The following PTPRR variants were observed in gnomAD, a reference collection of about 807,000 sequenced individuals.
The protein encoded by PTPRR is receptor-type tyrosine-protein phosphatase R.
In PTPRR, 38 loss-of-function variants were observed where a neutral mutation model predicts 77.2. The ratio of observed to expected loss-of-function variants is 0.49; its 90% CI spans 0.38 to 0.65. The LOEUF (loss-of-function observed/expected upper bound fraction) is 0.65. Ranked by LOEUF, PTPRR falls within the 30% of genes least tolerant of loss-of-function variation. PTPRR has a pLI of 0.00. For missense variants in PTPRR, 744 were observed against 799.2 expected, an observed-to-expected ratio of 0.93 and a Z score of 0.83; for synonymous variants, 299 against 283.1, an observed-to-expected ratio of 1.06 and a Z score of -0.57.
intron 6 of PTPRR, among the ~76,000 whole-genome samples, chr12:70,711,356 T>G (rs776796523): frequency 4.6e-5 from 7 of 151,886 alleles, no homozygotes; most frequent in Non-Finnish European, 8.8e-5. Context: ...CACATGGATA[T>G]GTAGAGGGGA....
chr12:70,732,562 T>G (rs1451609518), intron 6 of PTPRR, among the ~76,000 whole-genome samples: 2 of 152,146 alleles, frequency 1.3e-5, no homozygotes, highest in South Asian at 2.1e-4. Context: ...CCATTTTTTT[T>G]TTGTTTGTTT....
chr12:70,643,289 A>T (rs1886074938), intron 13 of PTPRR, among the ~76,000 whole-genome samples: 2 of 152,042 alleles, frequency 1.3e-5, no homozygotes, highest in Non-Finnish European at 2.9e-5. Flanking sequence ...GCATGCCACC[A>T]TACTGAGCTA....
chr12:70,862,687 A>T lies in PTPRR; in HGVS notation c.357+29992T>A, dbSNP rs189642831. Among the ~76,000 whole-genome samples the T allele has an allele frequency of 1.3e-5, 2 of 151,950 alleles. 1 individual carries two copies. Among genetic ancestry groups the T allele is most frequent in the Admixed American group, 1.3e-4 (2 of 15,262 alleles). On this transcript the variant is annotated intron_variant, in intron 2 of 13. Coordinates refer to ENST00000283228, the MANE Select transcript of PTPRR (RefSeq NM_002849.4). ...GCACACCAGCATGGCACATGTATAC[A>T]TATGTAACTAACCTGCACATTGTGC...
intron 2 of PTPRR, among the ~76,000 whole-genome samples, chr12:70,872,194 AC>A (rs1892969519): frequency 6.6e-6 from 1 of 152,180 alleles, no homozygotes; most frequent in South Asian, 2.1e-4. Context: ...TTTAGATATA[AC>A]TTTTATTTCA....
chr12:70,906,402 G>C (rs751896244), intron 1 of PTPRR, among the ~76,000 whole-genome samples: 2 of 151,928 alleles, frequency 1.3e-5, no homozygotes, highest in Non-Finnish European at 2.9e-5. Context: ...CAGAAGCAGG[G>C]ATTTCCAGAA....
At chr12:70,872,876 C>T (rs1292723611) in intron 2 of PTPRR, among the ~76,000 whole-genome samples, 1 of 151,958 alleles carries the variant, frequency 6.6e-6, no homozygotes, top group Non-Finnish European at 1.5e-5. Flanking sequence ...TCTGATGTTC[C>T]TACTAGAAGA....
At chr12:70,700,466 C>T (rs1156782727) in intron 7 of PTPRR, among the ~76,000 whole-genome samples, 1 of 152,174 alleles carries the variant, frequency 6.6e-6, no homozygotes, top group African/African-American at 2.4e-5. Context: ...TTCCTTATTT[C>T]GTTAAAGGGC....
chr12:70,774,695 TACAA>T (rs1341629487), intron 2 of PTPRR, among the ~76,000 whole-genome samples: 1 of 152,152 alleles, frequency 6.6e-6, no homozygotes, highest in Non-Finnish European at 1.5e-5. Flanking sequence ...TAAAATATAG[TACAA>T]ACAGATATCT....
At chr12:70,791,148 C>A (rs1346044694) in intron 2 of PTPRR, among the ~76,000 whole-genome samples, 1 of 152,136 alleles carries the variant, frequency 6.6e-6, no homozygotes, top group Non-Finnish European at 1.5e-5. Flanking sequence ...TTAAAAAACC[C>A]TCTGGAGGCT....
At position 70,725,247 on chromosome 12, in the gene PTPRR, C is replaced by T. The variant is rs913032878; in HGVS notation, c.1007+20571G>A. Among the ~76,000 whole-genome samples, 11 of 152,070 alleles carry T rather than the reference C, an allele frequency of 7.2e-5. No individual in the cohort carries two copies. The South Asian group carries it at 8.3e-4, about 11-fold the overall frequency. On this transcript the variant is annotated intron_variant, in intron 6 of 13. Transcript: ENST00000283228. ...TATTTTTATCTCATGTCAAAATTTT[C>T]CTCACTTATCTTTATGTTTAAGAAG... is the stretch of plus-strand genomic sequence containing the variant.
At chr12:70,801,510 C>T (rs187770741) in intron 2 of PTPRR, among the ~76,000 whole-genome samples, 9 of 152,232 alleles carry the variant, frequency 5.9e-5, no homozygotes, top group South Asian at 2.1e-4. Flanking sequence ...GTAGGTACAC[C>T]GGTTTTCTCC....
At chr12:70,787,625 G>T (rs1565697250) in intron 2 of PTPRR, among the ~76,000 whole-genome samples, 2 of 152,176 alleles carry the variant, frequency 1.3e-5, no homozygotes, top group Admixed American at 6.5e-5. Context: ...AATCCTGCTG[G>T]AAATTCTTGC....
intron 2 of PTPRR, among the ~76,000 whole-genome samples, chr12:70,765,636 T>C (rs975990043): frequency 6.6e-6 from 1 of 152,144 alleles, no homozygotes; most frequent in Non-Finnish European, 1.5e-5. Flanking sequence ...AATGTCCCTG[T>C]CTGAGAGCTT....
chr12:70,752,380 T>C (rs1188411753), intron 5 of PTPRR, among the ~76,000 whole-genome samples: 1 of 152,186 alleles, frequency 6.6e-6, no homozygotes, highest in Non-Finnish European at 1.5e-5. Context: ...TTTACATTGA[T>C]GTTTTGCAAA....
chr12:70,770,036 G>C (rs1267661485), intron 2 of PTPRR, among the ~76,000 whole-genome samples: 17 of 151,852 alleles, frequency 1.1e-4, no homozygotes, highest in Non-Finnish European at 2.5e-4. Context: ...TTAAACATTA[G>C]ACCTAAAACC....
chr12:70,877,547 A>C (rs1173247495), intron 2 of PTPRR, among the ~76,000 whole-genome samples: 1 of 152,162 alleles, frequency 6.6e-6, no homozygotes, highest in East Asian at 1.9e-4. Flanking sequence ...TAGGAATCCA[A>C]CTTACAAGGG....
At chr12:70,919,673 GTTTT>G (rs58439089) in intron 1 of PTPRR, among the ~76,000 whole-genome samples, 7 of 110,084 alleles carry the variant, frequency 6.4e-5, no homozygotes, top group East Asian at 2.7e-4. Context: ...AACTGTAATT[GTTTT>G]TTTTTTTTTT....
intron 8 of PTPRR, among the ~76,000 whole-genome samples, chr12:70,695,049 C>T (rs1331438622): frequency 6.6e-6 from 1 of 151,980 alleles, no homozygotes; most frequent in East Asian, 1.9e-4. Flanking sequence ...TAATCTCAGC[C>T]AAGATAACAC....
chr12:70,909,402 C>CT (rs1256714175), intron 1 of PTPRR, among the ~76,000 whole-genome samples: 2 of 152,070 alleles, frequency 1.3e-5, no homozygotes, highest in East Asian at 1.9e-4. Flanking sequence ...AGATCCTCAG[C>CT]TTTTTTCTAA....
Sources: gnomAD v4.1 joint callset for allele counts (sites outside exome capture counted in the v4.1 genomes callset) on GRCh38, gnomAD v4.1.1 for gene constraint, MANE v1.5 for transcripts, NCBI Gene and HGNC (gene_info 2026-07-23, HGNC 2026-07-21) for gene names.